TAF1A: variants seen among roughly 807,000 people sequenced by gnomAD.
The protein encoded by TAF1A is TATA-box binding protein associated factor, RNA polymerase I subunit A.
In TAF1A, 42 loss-of-function variants were observed where a neutral mutation model predicts 61.6. The observed-to-expected ratio is 0.68, with a 90% CI of 0.53 to 0.88. The LOEUF (loss-of-function observed/expected upper bound fraction) is 0.88. Ranked by LOEUF, TAF1A falls within the 40% of genes least tolerant of loss-of-function variation. TAF1A has a pLI of 0.00. For missense variants in TAF1A, 424 were observed against 518.7 expected (o/e 0.82, Z 1.77); for synonymous variants, 179 against 177.7 (o/e 1.01, Z -0.06).
rs528505285 is a variant in TAF1A, at chr1:222,585,684, A to G, written c.122-1387T>C. 8.5e-4 allele frequency among the ~76,000 whole-genome samples: 123 copies of G among 144,432 alleles called. 1 individual carries two copies. Among genetic ancestry groups the G allele is most frequent in the Non-Finnish European group, 1.3e-3 (85 of 66,526 alleles). 94.8% of individuals were successfully genotyped at this position (144,432 alleles called of 152,430 possible). A position where few individuals can be genotyped will look rare whatever the true frequency, so the allele number is the denominator to read the frequency against. On this transcript the variant is annotated intron_variant, in intron 2 of 10. Transcript: ENST00000352967. ...TAATGATAGCAATGTCTCAACCTAGAAAAAGTTTTAATTCTTAAAACTTAC... is the reference window on the plus strand; with the variant it reads ...TAATGATAGCAATGTCTCAACCTAGGAAAAGTTTTAATTCTTAAAACTTAC...
At chr1:222,575,902 T>C (rs1162447560) in intron 5 of TAF1A, among the ~76,000 whole-genome samples, 1 of 152,198 alleles carries the variant, frequency 6.6e-6, no homozygotes, top group East Asian at 1.9e-4. Flanking sequence ...TGCTTGAGTT[T>C]TACCTAACCA....
In TAF1A at chr1:222,561,385, C is replaced by T. The variant is rs2102637001; in HGVS notation, c.1219G>A (p.Ala407Thr). 1.9e-6 allele frequency: 3 copies of T among 1,605,952 alleles called. No homozygotes were observed. In the East Asian group the frequency reaches 6.7e-5, roughly 36 times the overall value. Residue 407 changes from alanine to threonine, a missense_variant, in exon 10 of 11, where the codon GCT becomes ACT. Ala to Thr is a moderately conservative substitution (Grantham distance 58). Transcript: ENST00000352967. ...GTACCTTTTCCTAACAGTAAACCAG[C>T]CACAAAAGCTTTCTCACAGGCCAAA... ...TALACEKAFV[A>T]GLLLGKGCRY... is the part of the protein sequence containing the mutation.
chr1:222,584,159 G>A lies in TAF1A; in HGVS notation c.260C>T (p.Ser87Leu), dbSNP rs1660917833. 1 of 1,609,952 alleles carries A rather than the reference G, an allele frequency of 6.2e-7. No individual in the cohort carries two copies. The highest frequency in any genetic ancestry group is 8.5e-7 in the Non-Finnish European group (1 of 1,178,928). ...TGCAGCCTGCCTTTTGTAGCTATCT[G>A]AATCTTCCAAGGTCTGAAAATAACT... ...MYSYFQTLEDSDSYKRQAAPE... is the reference protein window; with the variant it reads ...MYSYFQTLEDLDSYKRQAAPE... Residue 87 changes from serine to leucine, a missense_variant, in exon 3 of 11, where the codon TCA becomes TTA. Physicochemically the swap from Ser to Leu is moderately radical, Grantham distance 145. Transcript: ENST00000352967.
In TAF1A at chr1:222,561,471, C is replaced by A. The variant is rs1245069432; in HGVS notation, c.1133G>T (p.Trp378Leu). The change falls in exon 10 of 11, where the codon TGG becomes TTG. Residue 378 changes from tryptophan to leucine, a missense_variant. By Grantham distance (61) the Trp-to-Leu change is moderately conservative (BLOSUM62 -2). Coordinates refer to ENST00000352967, the MANE Select transcript of TAF1A (RefSeq NM_005681.4). ...VQEEWNSRKN[W>L]WPGFHFSYFW... ...GTAGCTGAAATGAAAGCCTGGCCAC[C>A]AGTTTTTCCTGGAGTTCCACTCTTC... 3.1e-6 allele frequency: 5 copies of A among 1,612,552 alleles called. No homozygotes were observed. The highest frequency in any genetic ancestry group is 4.2e-6 in the Non-Finnish European group (5 of 1,179,284).
chr1:222,586,476 C>G (rs1661020974), intron 2 of TAF1A, among the ~76,000 whole-genome samples: 2 of 152,152 alleles, frequency 1.3e-5, no homozygotes, highest in Non-Finnish European at 2.9e-5. Context: ...GTTCTCCTCT[C>G]ATTTCATTCT....
At chr1:222,579,320 C>T (rs1187017534) in intron 4 of TAF1A, among the ~76,000 whole-genome samples, 1 of 152,154 alleles carries the variant, frequency 6.6e-6, no homozygotes, top group African/African-American at 2.4e-5. Flanking sequence ...TTGGATAAGA[C>T]TTTTACAAAA....
chr1:222,580,611 A>G (rs1223716579), intron 3 of TAF1A, among the ~76,000 whole-genome samples: 1 of 152,216 alleles, frequency 6.6e-6, no homozygotes, highest in East Asian at 1.9e-4. Flanking sequence ...TATGATACAC[A>G]TATTATCATT....
downstream of TAF1A, among the ~76,000 whole-genome samples, chr1:222,557,151 C>T (rs4559510): frequency 0.6 from 91,676 of 152,156 alleles, 29,276 homozygotes; most frequent in Non-Finnish European, 0.71. Context: ...ATGTGTGTCT[C>T]GCCATCTAAA....
At chr1:222,579,981 C>T in intron 3 of TAF1A, 109 bp from the exon 4 acceptor site, 1 of 1,283,102 alleles carries the variant, frequency 7.8e-7, no homozygotes, top group Non-Finnish European at 1.0e-6. Context: ...ATTCCTTTTC[C>T]AGAGACCACT....
intron 5 of TAF1A, 53 bp downstream of exon 5, chr1:222,577,392 T>A: frequency 6.9e-7 from 1 of 1,451,776 alleles, no homozygotes; most frequent in East Asian, 2.3e-5. Context: ...CTCCTTAAGA[T>A]CCCTCTGCCC....
intron 8 of TAF1A, among the ~76,000 whole-genome samples, chr1:222,563,754 A>G (rs1160843746): frequency 6.6e-6 from 1 of 152,216 alleles, no homozygotes; most frequent in Admixed American, 6.5e-5. Context: ...TATAAAATCG[A>G]GCCATTTCTC....
chr1:222,558,335 T>C lies in TAF1A; in HGVS notation c.*325A>G, dbSNP rs913606527. On this transcript the variant is annotated 3_prime_UTR_variant, in exon 11 of 11. Transcript: ENST00000352967. ...CATTTCACAGCACTACAAGTTACAG[T>C]TTATTACACAATAGCAAGAGGCAAA... 1.3e-5 allele frequency: 2 copies of C among 156,178 alleles called. No individual in the cohort carries two copies. The highest frequency in any genetic ancestry group is 4.8e-5 in the African/African-American group (2 of 41,686). The allele number at this position is 156,178 out of a possible 1,614,324, so 9.7% of individuals were successfully genotyped here. A position where few individuals can be genotyped will look rare whatever the true frequency, so the allele number is the denominator to read the frequency against.
intron 4 of TAF1A, 63 bp downstream of exon 4, chr1:222,579,696 C>A (rs1042321220): frequency 1.3e-6 from 2 of 1,568,264 alleles, no homozygotes; most frequent in African/African-American, 2.8e-5. Flanking sequence ...TTATCACTGA[C>A]ACAAGCAATT....
chr1:222,570,884 T>C (rs529357107), intron 5 of TAF1A, among the ~76,000 whole-genome samples: 1 of 152,294 alleles, frequency 6.6e-6, no homozygotes, highest in Admixed American at 6.5e-5. Context: ...AGTATTACCA[T>C]GATACCAAAA....
chr1:222,588,277 G>A (rs1401824563), intron 2 of TAF1A, among the ~76,000 whole-genome samples, 166 bp downstream of exon 2: 2 of 152,020 alleles, frequency 1.3e-5, no homozygotes, highest in East Asian at 1.9e-4. Flanking sequence ...ATTAATCCAA[G>A]GGCAAAGAAT....
intron 2 of TAF1A, among the ~76,000 whole-genome samples, chr1:222,587,056 T>C (rs1661044147): frequency 6.6e-6 from 1 of 152,206 alleles, no homozygotes; most frequent in Non-Finnish European, 1.5e-5. Context: ...CAAGTATGAC[T>C]TAACTATAGG....
chr1:222,573,264 C>T (rs768929212), intron 5 of TAF1A, among the ~76,000 whole-genome samples: 6 of 151,796 alleles, frequency 4.0e-5, no homozygotes, highest in Non-Finnish European at 7.4e-5. Flanking sequence ...AGTGAGACTC[C>T]GTCTCAAAAA....
chr1:222,569,922 T>C (rs1660281346), intron 6 of TAF1A, among the ~76,000 whole-genome samples: 1 of 152,202 alleles, frequency 6.6e-6, no homozygotes, highest in African/African-American at 2.4e-5. Flanking sequence ...CTAACCTCAG[T>C]GCCCTACATC....
rs2102632533 is a variant in TAF1A at position 222,558,514 on chromosome 1, T to C, written c.*146A>G. On this transcript the variant is annotated 3_prime_UTR_variant, in exon 11 of 11. Coordinates refer to ENST00000352967, the MANE Select transcript of TAF1A (RefSeq NM_005681.4). ...GGCAGTAATATTGTTTCTCTAGCTA[T>C]AAATAATACAAAAATATAAAAATAT... The C allele has an allele frequency of 3.1e-6, 1 of 320,730 alleles. No homozygotes were observed. Among genetic ancestry groups the C allele is most frequent in the Non-Finnish European group, 5.6e-6 (1 of 178,274 alleles). The allele number at this position is 320,730 out of a possible 1,614,324, so 19.9% of individuals were successfully genotyped here. A position where few individuals can be genotyped will look rare whatever the true frequency, so the allele number is the denominator to read the frequency against.
Sources: gnomAD v4.1 joint callset for allele counts (sites outside exome capture counted in the v4.1 genomes callset) on GRCh38, gnomAD v4.1.1 for gene constraint, MANE v1.5 for transcripts, NCBI Gene and HGNC (gene_info 2026-07-23, HGNC 2026-07-21) for gene names.